Variants in KCNJ6 observed in about 807,000 individuals in gnomAD.
KCNJ6 encodes G protein-activated inward rectifier potassium channel 2.
KCNJ6 carries 9 observed loss-of-function variants against 34.2 expected under a neutral mutation model. The observed-to-expected ratio is 0.26, with a 90% confidence interval of 0.16 to 0.46. The LOEUF (loss-of-function observed/expected upper bound fraction) is 0.46. Ranked by LOEUF, KCNJ6 falls within the 20% of genes least tolerant of loss-of-function variation. The pLI is 1.00. For synonymous variants in KCNJ6, 196 were observed against 207.1 expected (o/e 0.95, Z 0.46); for missense variants, 236 against 531.3 (o/e 0.44, Z 5.46).
intron 2 of KCNJ6, among the ~76,000 whole-genome samples, chr21:37,729,128 T>G (rs1251161702): frequency 6.6e-6 from 1 of 151,954 alleles, no homozygotes; most frequent in African/African-American, 2.4e-5. Flanking sequence ...AAGGGTCCTA[T>G]TAGCATTTTA....
At chr21:37,872,199 C>T (rs750023521) in intron 1 of KCNJ6, among the ~76,000 whole-genome samples, 12 of 152,232 alleles carry the variant, frequency 7.9e-5, no homozygotes, top group South Asian at 2.1e-4. Flanking sequence ...CATTAACTAA[C>T]GTGTGAAATG....
intron 3 of KCNJ6, among the ~76,000 whole-genome samples, chr21:37,656,378 C>T (rs554483619): frequency 6.6e-6 from 1 of 152,218 alleles, no homozygotes; most frequent in African/African-American, 2.4e-5. Context: ...GATGTCCCCA[C>T]CAGCTCTCCT....
Position 37,731,100 on chromosome 21 carries a change from AGTGTGTGTGTGTGT to A in KCNJ6, c.26-15983_26-15970del, listed in dbSNP as rs113587330. 4.8e-3 allele frequency among the ~76,000 whole-genome samples: 643 copies of A among 134,782 alleles called. 4 individuals are homozygous for A. Among genetic ancestry groups the A allele is most frequent in the African/African-American group, 0.014 (576 of 39,792 alleles). The allele number at this position is 134,782 out of a possible 152,430, so 88.4% of individuals were successfully genotyped here. A position where few individuals can be genotyped will look rare whatever the true frequency, so the allele number is the denominator to read the frequency against. ...TCTGCCATTGCAGATAGATGAGAGA[AGTGTGTGTGTGTGT>A]GTGTGTGTGTGTGTTTGTGTGCCTG... is the stretch of plus-strand genomic sequence containing the variant. On this transcript the variant is annotated intron_variant, in intron 2 of 3. Coordinates refer to ENST00000609713, the MANE Select transcript of KCNJ6 (RefSeq NM_002240.5).
intron 1 of KCNJ6, among the ~76,000 whole-genome samples, chr21:37,892,577 C>A (rs544641567): frequency 1.6e-4 from 24 of 152,178 alleles, no homozygotes; most frequent in African/African-American, 5.1e-4. Context: ...CACTTAGGTC[C>A]CTGCTGGGTC....
chr21:37,723,859 AGCAAT>A (rs1344758531), intron 2 of KCNJ6, among the ~76,000 whole-genome samples: 1 of 152,186 alleles, frequency 6.6e-6, no homozygotes, highest in Non-Finnish European at 1.5e-5. Flanking sequence ...CTCAGCATCA[AGCAAT>A]ATGCCCATGT....
intron 2 of KCNJ6, among the ~76,000 whole-genome samples, chr21:37,840,166 C>A (rs1223843885): frequency 6.6e-6 from 1 of 152,204 alleles, no homozygotes; most frequent in Admixed American, 6.5e-5. Flanking sequence ...ACGCTATGTT[C>A]AAAACCTAAA....
intron 2 of KCNJ6, among the ~76,000 whole-genome samples, chr21:37,749,635 A>T (rs1418012206): frequency 1.3e-5 from 2 of 152,184 alleles, no homozygotes; most frequent in Non-Finnish European, 2.9e-5. Context: ...CACATTATCC[A>T]TTTGTGGTTA....
chr21:37,880,938 G>C (rs759521414), intron 1 of KCNJ6, among the ~76,000 whole-genome samples: 3 of 152,022 alleles, frequency 2.0e-5, no homozygotes, highest in Non-Finnish European at 4.4e-5. Flanking sequence ...GGATAGAGAT[G>C]GCTCAGGAGG....
chr21:37,894,708 T>G (rs1312558849), intron 1 of KCNJ6, among the ~76,000 whole-genome samples: 1 of 152,134 alleles, frequency 6.6e-6, no homozygotes. Context: ...AGCTCCCTCA[T>G]GCAGCATTAA....
At chr21:37,784,301 C>A (rs2055183108) in intron 2 of KCNJ6, among the ~76,000 whole-genome samples, 1 of 152,212 alleles carries the variant, frequency 6.6e-6, no homozygotes. Context: ...CCCAGCCCCA[C>A]AAGTTAAAGT....
At chr21:37,852,890 C>G (rs990792794) in intron 1 of KCNJ6, among the ~76,000 whole-genome samples, 13 of 151,912 alleles carry the variant, frequency 8.6e-5, no homozygotes, top group Non-Finnish European at 1.6e-4. Context: ...AAATAAAAAA[C>G]TCAATCGATG....
chr21:37,728,048 A>C (rs142475143), intron 2 of KCNJ6, among the ~76,000 whole-genome samples: 2,420 of 152,364 alleles, frequency 0.016, 38 homozygotes, highest in Non-Finnish European at 0.025. Context: ...AGGTGGTAGC[A>C]ATTCGAGTGT....
intron 3 of KCNJ6, among the ~76,000 whole-genome samples, chr21:37,667,186 T>TAAAAAAAA (rs1569441641): frequency 3.6e-3 from 309 of 86,654 alleles, no homozygotes; most frequent in Non-Finnish European, 4.6e-3. Flanking sequence ...AAAAAAAAAT[T>TAAAAAAAA]AAATGAGGCA....
intron 2 of KCNJ6, among the ~76,000 whole-genome samples, chr21:37,833,389 G>A (rs1047319934): frequency 1.3e-5 from 2 of 152,140 alleles, no homozygotes; most frequent in African/African-American, 4.8e-5. Context: ...TCCAAACACA[G>A]AGTGGAATTG....
chr21:37,711,964 C>T (rs2054755413), intron 3 of KCNJ6, among the ~76,000 whole-genome samples: 1 of 152,186 alleles, frequency 6.6e-6, no homozygotes, highest in Non-Finnish European at 1.5e-5. Context: ...AGGCAAGTAT[C>T]ACTGTTAATT....
intron 2 of KCNJ6, among the ~76,000 whole-genome samples, chr21:37,766,974 C>T (rs2055094507): frequency 6.6e-6 from 1 of 152,198 alleles, no homozygotes; most frequent in Admixed American, 6.5e-5. Flanking sequence ...CCCTCTTCTA[C>T]CCCCACATCC....
intron 2 of KCNJ6, among the ~76,000 whole-genome samples, chr21:37,806,412 T>C (rs1285378184): frequency 2.0e-5 from 3 of 152,146 alleles, no homozygotes; most frequent in Non-Finnish European, 2.9e-5. Flanking sequence ...TTCTGCAAAA[T>C]AGACAATTGG....
rs78443969 is a variant in KCNJ6, at chr21:37,685,706, A to AAAAAAAAAAAAAAG, written c.946+28504_946+28505insCTTTTTTTTTTTTT. ...CAAAAAAAAAAAAAAAAAAAAAAAA[A>AAAAAAAAAAAAAAG]AATCTATCCTATGGATATCAGAGGT... is the stretch of plus-strand genomic sequence containing the variant. On this transcript the variant is annotated intron_variant, in intron 3 of 3. Transcript: ENST00000609713. Among the ~76,000 whole-genome samples, 8 of 51,040 alleles carry AAAAAAAAAAAAAAG rather than the reference A, an allele frequency of 1.6e-4. 3 individuals are homozygous for AAAAAAAAAAAAAAG. The highest frequency in any genetic ancestry group is 4.4e-4 in the African/African-American group (8 of 18,060). 33.5% of individuals were successfully genotyped at this position (51,040 alleles called of 152,430 possible).
intron 2 of KCNJ6, among the ~76,000 whole-genome samples, chr21:37,742,318 C>T (rs1030754789): frequency 6.6e-6 from 1 of 152,170 alleles, no homozygotes; most frequent in African/African-American, 2.4e-5. Flanking sequence ...TGTAGAAAAG[C>T]AGTTGGTTTC....
Sources: gnomAD v4.1 joint callset for allele counts (sites outside exome capture counted in the v4.1 genomes callset) on GRCh38, gnomAD v4.1.1 for gene constraint, MANE v1.5 for transcripts, NCBI Gene and HGNC (gene_info 2026-07-23, HGNC 2026-07-21) for gene names.